The following CNBD1 variants were observed in gnomAD, a reference collection of about 807,000 sequenced individuals.
CNBD1 encodes cyclic nucleotide-binding domain-containing protein 1.
Under a neutral mutation model 54.4 loss-of-function variants are expected in CNBD1, and 71 were observed. That is an observed-to-expected ratio of 1.30 (90% confidence interval 1.08 to 1.59). The LOEUF (loss-of-function observed/expected upper bound fraction) is 1.59. Among genes scored for constraint, CNBD1 ranks in the 40% most tolerant of loss-of-function variants. The pLI is 0.00. For missense variants in CNBD1, 659 were observed against 518.0 expected, an observed-to-expected ratio of 1.27 and a Z score of -2.64; for synonymous variants, 182 against 170.7, an observed-to-expected ratio of 1.07 and a Z score of -0.51.
chr8:87,288,739 C>A (rs1294594041), intron 8 of CNBD1, among the ~76,000 whole-genome samples: 1 of 152,042 alleles, frequency 6.6e-6, no homozygotes, highest in Non-Finnish European at 1.5e-5. Context: ...ATTGGACAAT[C>A]TGTGAGTCTA....
At chr8:86,897,014 A>G (rs938144004) in intron 2 of CNBD1, among the ~76,000 whole-genome samples, 2 of 152,338 alleles carry the variant, frequency 1.3e-5, no homozygotes, top group Admixed American at 1.3e-4. Context: ...TGATAACTTC[A>G]AGTCTTGGTG....
intron 4 of CNBD1, among the ~76,000 whole-genome samples, chr8:87,023,596 T>C (rs1809534339): frequency 6.6e-6 from 1 of 152,216 alleles, no homozygotes; most frequent in African/African-American, 2.4e-5. Flanking sequence ...TGTATAATTA[T>C]GTCATATATT....
At chr8:87,227,169 A>T (rs188207374) in intron 5 of CNBD1, among the ~76,000 whole-genome samples, 8,417 of 152,192 alleles carry the variant, frequency 0.055, 255 homozygotes, top group Non-Finnish European at 0.066. Context: ...AATACAGCAC[A>T]GTGATGGGTC....
At position 86,888,029 on chromosome 8, in the gene CNBD1, T is replaced by C. The variant is rs144310737; in HGVS notation, c.158+418T>C. ...CAGGATTCCTAAGATGTGTAATACT[T>C]GAAGATTTAATTTTAAGAGATCTAT... On this transcript the variant is annotated intron_variant, in intron 2 of 10. Transcript: ENST00000518476. Among the ~76,000 whole-genome samples the C allele has an allele frequency of 7.7e-3, 1,168 of 152,260 alleles. 13 individuals carry two copies. Among genetic ancestry groups the C allele is most frequent in the African/African-American group, 0.026 (1,084 of 41,558 alleles).
At chr8:87,353,266 C>T (rs1810344747) in intron 9 of CNBD1, among the ~76,000 whole-genome samples, 1 of 152,134 alleles carries the variant, frequency 6.6e-6, no homozygotes, top group African/African-American at 2.4e-5. Context: ...ACAAGAGTGC[C>T]TTGTGACTAG....
At chr8:87,322,248 A>G (rs1170969808) in intron 8 of CNBD1, among the ~76,000 whole-genome samples, 1 of 123,224 alleles carries the variant, frequency 8.1e-6, no homozygotes, top group Admixed American at 7.9e-5. Flanking sequence ...ATTGTGAATA[A>G]TGCCGCAATA....
intron 2 of CNBD1, among the ~76,000 whole-genome samples, chr8:86,895,667 T>C (rs536107668): frequency 6.6e-6 from 1 of 152,324 alleles, no homozygotes; most frequent in African/African-American, 2.4e-5. Flanking sequence ...TGGTATCTTG[T>C]TGCTTTAGTT....
chr8:87,268,771 G>A (rs1233168310), intron 6 of CNBD1, among the ~76,000 whole-genome samples: 3 of 151,928 alleles, frequency 2.0e-5, no homozygotes, highest in Non-Finnish European at 4.4e-5. Flanking sequence ...CATTTTTAAT[G>A]GGGTTTTTGC....
intron 6 of CNBD1, among the ~76,000 whole-genome samples, chr8:87,280,935 C>T (rs558779990): frequency 1.3e-5 from 2 of 151,418 alleles, no homozygotes; most frequent in South Asian, 4.2e-4. Context: ...CTATCCCCAC[C>T]AGAAGAGGAT....
chr8:87,329,012 C>T lies in CNBD1; in HGVS notation c.1043-22673C>T, dbSNP rs1275197269. On this transcript the variant is annotated intron_variant, in intron 8 of 10. Coordinates refer to ENST00000518476, the MANE Select transcript of CNBD1 (RefSeq NM_173538.3). The stretch of plus-strand genomic sequence containing the variant: ...TTCTATCTTCTAGGAGTTATTCCTT[C>T]CTAGGAGTTTTATACTTTTCTCCTA... Among the ~76,000 whole-genome samples, 8 of 151,760 alleles carry T rather than the reference C, an allele frequency of 5.3e-5. No individual in the cohort carries two copies. In the East Asian group the frequency reaches 1.4e-3, roughly 26 times the overall value.
chr8:87,426,417 A>T (rs1273678250), intron 2 of CNBD1, among the ~76,000 whole-genome samples: 1 of 152,232 alleles, frequency 6.6e-6, no homozygotes, highest in East Asian at 1.9e-4. Context: ...TAAAAACTTG[A>T]ATAATAATGC....
chr8:87,183,326 T>G (rs543250369), intron 4 of CNBD1, among the ~76,000 whole-genome samples: 1 of 151,970 alleles, frequency 6.6e-6, no homozygotes, highest in East Asian at 1.9e-4. Flanking sequence ...AATCAGGTAG[T>G]GTGATACCTT....
chr8:87,053,686 T>G (rs932931289), intron 4 of CNBD1, among the ~76,000 whole-genome samples: 2 of 152,204 alleles, frequency 1.3e-5, no homozygotes, highest in African/African-American at 4.8e-5. Flanking sequence ...TCCCTAGCTC[T>G]CTGCTGGTGC....
At chr8:87,020,360 G>T (rs1187382416) in intron 4 of CNBD1, among the ~76,000 whole-genome samples, 1 of 151,906 alleles carries the variant, frequency 6.6e-6, no homozygotes, top group Non-Finnish European at 1.5e-5. Flanking sequence ...GACTACATGG[G>T]AATAAGCATT....
intron 5 of CNBD1, among the ~76,000 whole-genome samples, chr8:87,227,741 G>A (rs912382594): frequency 4.4e-4 from 66 of 149,444 alleles, no homozygotes; most frequent in Non-Finnish European, 8.9e-4. Context: ...TTCTCGAGGA[G>A]TATCTTTGTG....
chr8:87,058,529 A>G (rs991644614), intron 4 of CNBD1, among the ~76,000 whole-genome samples: 2 of 152,076 alleles, frequency 1.3e-5, no homozygotes, highest in African/African-American at 4.8e-5. Flanking sequence ...ATTTCCATAC[A>G]TCCTCTGAAA....
chr8:87,271,787 C>G (rs1447685709), intron 6 of CNBD1, among the ~76,000 whole-genome samples: 1 of 149,460 alleles, frequency 6.7e-6, no homozygotes, highest in African/African-American at 2.6e-5. Context: ...ATTAGTATAT[C>G]AAAGGGATAT....
intron 4 of CNBD1, among the ~76,000 whole-genome samples, chr8:87,157,892 A>C: frequency 6.6e-6 from 1 of 152,182 alleles, no homozygotes; most frequent in East Asian, 1.9e-4. Context: ...TTGCAATGTT[A>C]GAGTTTACCA....
intron 8 of CNBD1, among the ~76,000 whole-genome samples, chr8:87,324,445 G>C (rs940706864): frequency 1.4e-5 from 2 of 145,576 alleles, no homozygotes; most frequent in African/African-American, 5.1e-5. Flanking sequence ...GGCTCTTTTT[G>C]GTTGGTAAAC....
Sources: gnomAD v4.1 joint callset for allele counts (sites outside exome capture counted in the v4.1 genomes callset) on GRCh38, gnomAD v4.1.1 for gene constraint, MANE v1.5 for transcripts, NCBI Gene and HGNC (gene_info 2026-07-23, HGNC 2026-07-21) for gene names.